Variants in MYCBP2 observed in about 807,000 individuals in gnomAD.
MYCBP2 encodes MYC binding protein 2, also known as E3 ubiquitin-protein ligase MYCBP2.
In MYCBP2, 120 loss-of-function variants were observed where a neutral mutation model predicts 525.3. The ratio of observed to expected loss-of-function variants is 0.23; its 90% CI spans 0.20 to 0.27. The LOEUF (loss-of-function observed/expected upper bound fraction) is 0.27. Ranked by LOEUF, MYCBP2 falls within the 10% of genes least tolerant of loss-of-function variation. The pLI, the probability that MYCBP2 is intolerant of heterozygous loss-of-function variation, is 1.00. For missense variants in MYCBP2, 4,149 were observed against 5,657.1 expected, an observed-to-expected ratio of 0.73 and a Z score of 8.55; for synonymous variants, 1,894 against 1,955.8, an observed-to-expected ratio of 0.97 and a Z score of 0.83.
chr13:77,114,834 T>C (rs1414346546), intron 55 of MYCBP2, among the ~76,000 whole-genome samples: 1 of 151,994 alleles, frequency 6.6e-6, no homozygotes, highest in Non-Finnish European at 1.5e-5. Context: ...TTATTTGCCA[T>C]TTTTCTACCA....
At chr13:77,256,470 CA>C (rs2072215113) in intron 14 of MYCBP2, among the ~76,000 whole-genome samples, 1 of 151,946 alleles carries the variant, frequency 6.6e-6, no homozygotes, top group African/African-American at 2.4e-5. Flanking sequence ...GATATTTTAT[CA>C]GTAAATATTA....
chr13:77,310,489 A>T (rs946346001), intron 1 of MYCBP2, among the ~76,000 whole-genome samples: 2 of 152,212 alleles, frequency 1.3e-5, no homozygotes, highest in African/African-American at 2.4e-5. Flanking sequence ...ACTAAAGAAC[A>T]GAGCTGCATG....
rs1332619139 is a variant in MYCBP2, at chr13:77,177,815, A to G, written c.5273T>C (p.Val1758Ala). 8 of 1,613,992 alleles carry G rather than the reference A, an allele frequency of 5.0e-6. No individual in the cohort carries two copies. The South Asian group carries it at 8.8e-5, about 18-fold the overall frequency. The change falls in exon 35 of 83, where the codon GTG becomes GCG. Residue 1758 changes from valine to alanine, a missense_variant. By Grantham distance (64) the Val-to-Ala change is moderately conservative. Transcript: ENST00000544440. ...TCCTCCATAGACAGAGAAACCAACC[A>G]CAACTATTCCAGGTTTGTCTACTGA... ...CFSVDKPGIV[V>A]VGFSVYGGGG...
chr13:77,141,860 T>C (rs1447087619), intron 49 of MYCBP2, among the ~76,000 whole-genome samples: 1 of 152,080 alleles, frequency 6.6e-6, no homozygotes, highest in Non-Finnish European at 1.5e-5. Context: ...ATAACTATTC[T>C]AGTGAATTAT....
intron 55 of MYCBP2, among the ~76,000 whole-genome samples, chr13:77,111,944 A>G (rs2048897952): frequency 6.6e-6 from 1 of 152,170 alleles, no homozygotes; most frequent in Admixed American, 6.6e-5. Context: ...CTCTAGTCTA[A>G]GACACTGACA....
rs2052115275 is a variant in MYCBP2, at chr13:77,128,545, T to C, written c.7660-2003A>G. 2.0e-5 allele frequency among the ~76,000 whole-genome samples: 3 copies of C among 151,888 alleles called. No homozygotes were observed. In the South Asian group the frequency reaches 6.2e-4, roughly 31 times the overall value. On this transcript the variant is annotated intron_variant, in intron 52 of 82. Coordinates refer to ENST00000544440, the MANE Select transcript of MYCBP2 (RefSeq NM_015057.5). ...GGCAATTATGAAAACTTGTTAAAAA[T>C]TTAAAATAATATTTTATTGAAAAGG...
At chr13:77,094,115 T>C (rs2154123488) in intron 58 of MYCBP2, among the ~76,000 whole-genome samples, 1 of 152,310 alleles carries the variant, frequency 6.6e-6, no homozygotes, top group South Asian at 2.1e-4. Flanking sequence ...CTTATTCATT[T>C]TATTGTAATA....
At chr13:77,154,346 G>A (rs2056940321) in intron 46 of MYCBP2, among the ~76,000 whole-genome samples, 1 of 148,680 alleles carries the variant, frequency 6.7e-6, no homozygotes, top group Non-Finnish European at 1.5e-5. Flanking sequence ...ATATGGAGGA[G>A]AAAGAAGAGG....
In MYCBP2 at chr13:77,095,362, C is replaced by G. The variant is rs1456230766; in HGVS notation, c.10195G>C (p.Ala3399Pro). The change falls in exon 58 of 83, where the codon GCT (alanine) becomes CCT (proline). Residue 3399 changes from alanine (A) to proline (P), a missense_variant. Around this residue, in one of 21 missense-constraint regions of MYCBP2, gnomAD observed 509 missense variants for 789.4 expected, o/e 0.64. Transcript: ENST00000544440. ...ACAACAGCAAAATTTTATTACCTAGCTAATGTCTGCAGGTAGAGACAAGGC... is the reference window on the plus strand; with the variant it reads ...ACAACAGCAAAATTTTATTACCTAGGTAATGTCTGCAGGTAGAGACAAGGC... ...KMPCLYLQTL[A>P]RHHHENFVGY... 4.3e-6 allele frequency: 7 copies of G among 1,613,044 alleles called. No homozygotes were observed. The highest frequency in any genetic ancestry group is 5.9e-6 in the Non-Finnish European group (7 of 1,179,548).
chr13:77,116,552 A>G lies in MYCBP2; in HGVS notation c.8140+4821T>C, dbSNP rs933376881. On this transcript the variant is annotated intron_variant, in intron 55 of 82. Coordinates refer to ENST00000544440, the MANE Select transcript of MYCBP2 (RefSeq NM_015057.5). ...CATTTTCTGGAATTTGGAAGTCAAA[A>G]TTTAGAGACGTCCTGTTGCGAATAA... 5.9e-5 allele frequency among the ~76,000 whole-genome samples: 9 copies of G among 152,066 alleles called. No individual in the cohort carries two copies. In the South Asian group the frequency reaches 8.3e-4, roughly 14 times the overall value.
intron 58 of MYCBP2, 143 bp downstream of exon 58, chr13:77,095,215 C>T: frequency 1.0e-6 from 1 of 981,228 alleles, no homozygotes; most frequent in Non-Finnish European, 1.5e-6. Flanking sequence ...GTCAAGGCAA[C>T]TCAAAAAATA....
chr13:77,047,174 C>A (rs1322969177), intron 82 of MYCBP2, among the ~76,000 whole-genome samples: 1 of 152,176 alleles, frequency 6.6e-6, no homozygotes, highest in Non-Finnish European at 1.5e-5. Context: ...AGTGAAAACA[C>A]ACCTGCAAAC....
Position 77,076,899 on chromosome 13 carries a change from A to G in MYCBP2, c.11725-50T>C, listed in dbSNP as rs778643784. 7.2e-5 allele frequency: 101 copies of G among 1,398,532 alleles called. No individual in the cohort carries two copies. The South Asian group carries it at 9.9e-4, about 14-fold the overall frequency. The allele number at this position is 1,398,532 out of a possible 1,614,324, so 86.6% of individuals were successfully genotyped here. ...GGAATTAATGACAGGCATTAACACTATATTGGCCAGAGGACTCATTAGCTG... is the reference window on the plus strand; with the variant it reads ...GGAATTAATGACAGGCATTAACACTGTATTGGCCAGAGGACTCATTAGCTG... On this transcript the variant is annotated intron_variant, in intron 67 of 82. Transcript: ENST00000544440.
At chr13:77,135,059 T>C (rs1458288643) in intron 52 of MYCBP2, among the ~76,000 whole-genome samples, 2 of 152,234 alleles carry the variant, frequency 1.3e-5, no homozygotes, top group African/African-American at 4.8e-5. Flanking sequence ...CTCTATAGTT[T>C]GTTTGAGTTG....
At chr13:77,203,451 G>C (rs573767137) in intron 26 of MYCBP2, among the ~76,000 whole-genome samples, 107 of 152,062 alleles carry the variant, frequency 7.0e-4, no homozygotes, top group Non-Finnish European at 1.3e-3. Flanking sequence ...AATCAATATC[G>C]TGAAAATGGC....
chr13:77,068,538 T>A (rs1004858831), intron 70 of MYCBP2, 27 bp downstream of exon 70: 1 of 1,596,058 alleles, frequency 6.3e-7, no homozygotes, highest in Non-Finnish European at 8.6e-7. Flanking sequence ...ACAAAAGCAA[T>A]GGAAAGGCTG....
chr13:77,253,745 T>C (rs1372687169), intron 14 of MYCBP2, among the ~76,000 whole-genome samples: 1 of 151,896 alleles, frequency 6.6e-6, no homozygotes, highest in African/African-American at 2.4e-5. Context: ...AAATAAAAAA[T>C]TACAGTATCA....
chr13:77,097,541 A>T lies in MYCBP2; in HGVS notation c.9613T>A (p.Ser3205Thr). ...TCTTTTTTCTTTTTTTCCTTTTTGG[A>T]CTTCTTATTCTCTTTCTCACACTCT... ...KKECEKENKK[S>T]KKEKKKKEKA... is the part of the protein sequence containing the mutation. Residue 3205 changes from serine to threonine, a missense_variant, in exon 56 of 83, where the codon TCC (serine) becomes ACC (threonine). Around this residue, in one of 21 missense-constraint regions of MYCBP2, gnomAD observed 653 missense variants for 744.7 expected, o/e 0.88. Transcript: ENST00000544440. 1 of 1,611,966 alleles carries T rather than the reference A, an allele frequency of 6.2e-7. No homozygotes were observed. Among genetic ancestry groups the T allele is most frequent in the South Asian group, 1.1e-5 (1 of 90,958 alleles).
At chr13:77,066,710 C>A (rs2040268224) in intron 71 of MYCBP2, among the ~76,000 whole-genome samples, 1 of 152,132 alleles carries the variant, frequency 6.6e-6, no homozygotes, top group Non-Finnish European at 1.5e-5. Context: ...AAAAAGGCTG[C>A]AGCAATTTAT....
Sources: allele counts gnomAD v4.1 joint callset (sites outside exome capture counted in the v4.1 genomes callset), GRCh38; gene constraint gnomAD v4.1.1; regional missense constraint gnomAD v4.1.1; transcripts MANE v1.5; gene names NCBI Gene and HGNC (gene_info 2026-07-23, HGNC 2026-07-21).